INTS15: variants seen among roughly 807,000 people sequenced by gnomAD.
INTS15 encodes integrator complex subunit 15.
chr7:6,590,797 G>C, the INTS15 span, among the ~76,000 whole-genome samples: 18 of 152,046 alleles, frequency 1.2e-4, no homozygotes, highest in Admixed American at 7.9e-4. Context: ...ATAATGATCT[G>C]TATGGCTTTC....
chr7:6,590,134 G>A, the INTS15 span: 2 of 585,556 alleles, frequency 3.4e-6, no homozygotes, highest in East Asian at 7.6e-5. Context: ...CCCTGAGCAG[G>A]CAGGGAGCAG....
At chr7:6,608,491 A>G in the INTS15 span, 1 of 1,213,036 alleles carries the variant, frequency 8.2e-7, no homozygotes, top group Non-Finnish European at 1.0e-6. Flanking sequence ...CACGGGTGCA[A>G]GCCCGTGTGT....
At chr7:6,593,466 G>T in the INTS15 span, among the ~76,000 whole-genome samples, 2 of 151,626 alleles carry the variant, frequency 1.3e-5, no homozygotes, top group Admixed American at 1.3e-4. Flanking sequence ...GAGTAGCTGG[G>T]ACTACAGGCG....
the INTS15 span, chr7:6,602,214 C>T: frequency 6.8e-6 from 9 of 1,327,594 alleles, no homozygotes; most frequent in South Asian, 5.2e-5. Flanking sequence ...AGGGCGAGCC[C>T]CTTTGTCCTG....
chr7:6,596,555 T>C, the INTS15 span, among the ~76,000 whole-genome samples: 5 of 151,212 alleles, frequency 3.3e-5, no homozygotes, highest in East Asian at 9.7e-4. Context: ...CTTTTTGTAT[T>C]TTTAGTAGAG....
the INTS15 span, chr7:6,600,256 G>A: frequency 1.2e-6 from 2 of 1,614,058 alleles, no homozygotes; most frequent in Admixed American, 1.7e-5. Context: ...CGGATGAACT[G>A]AACCCCCTCA....
the INTS15 span, chr7:6,591,822 T>A: frequency 3.1e-6 from 5 of 1,614,042 alleles, no homozygotes; most frequent in Non-Finnish European, 4.2e-6. Context: ...TGGCGGTGGC[T>A]GTGTGTCGAA....
the INTS15 span, chr7:6,607,871 G>C: frequency 6.4e-7 from 1 of 1,555,192 alleles, no homozygotes. This position sits in a 1 kb window ranked among gnomAD's most constrained non-coding sequence, Gnocchi z 6.0. Context: ...TCTCCTGGGC[G>C]GGGTGCGGGG....
the INTS15 span, chr7:6,590,143 A>T: frequency 9.5e-6 from 6 of 629,612 alleles, no homozygotes; most frequent in Middle Eastern, 4.9e-4. Flanking sequence ...GGCAGGGAGC[A>T]GGCGGCGGCA....
At chr7:6,590,457 G>T in the INTS15 span, 1 of 1,592,272 alleles carries the variant, frequency 6.3e-7, no homozygotes, top group Non-Finnish European at 8.5e-7. Context: ...TGCCCAAGGA[G>T]CGCAGCGCGC....
chr7:6,599,833 C>G, the INTS15 span: 1 of 1,612,140 alleles, frequency 6.2e-7, no homozygotes, highest in Non-Finnish European at 8.5e-7. Flanking sequence ...TTGCAGATGA[C>G]CTCATTCCAC....
chr7:6,594,635 C>G, the INTS15 span: 4 of 1,602,208 alleles, frequency 2.5e-6, no homozygotes, highest in Middle Eastern at 1.7e-4. Context: ...ATGGAAGAAG[C>G]TTCAGTCAAT....
the INTS15 span, chr7:6,599,936 C>T: frequency 5.6e-6 from 9 of 1,614,248 alleles, no homozygotes; most frequent in South Asian, 1.1e-5. Flanking sequence ...TGCGGCCAAT[C>T]TGCCAATAGG....
the INTS15 span, among the ~76,000 whole-genome samples, chr7:6,603,245 G>A: frequency 1.6e-3 from 235 of 150,332 alleles, 1 homozygote; most frequent in African/African-American, 5.6e-3. Flanking sequence ...GTGAAACTCT[G>A]TCAAAAATAA....
At chr7:6,592,566 C>CA in the INTS15 span, among the ~76,000 whole-genome samples, 147 of 140,464 alleles carry the variant, frequency 1.0e-3, 1 homozygote, top group East Asian at 9.8e-3. Context: ...GACTCAGTCT[C>CA]AAAAAAAAAA....
At chr7:6,600,193 G>A in the INTS15 span, 2 of 1,614,220 alleles carry the variant, frequency 1.2e-6, no homozygotes, top group Non-Finnish European at 1.7e-6. Flanking sequence ...GGCGCCTGGG[G>A]CTGATCCTCT....
chr7:6,598,511 C>T, the INTS15 span, among the ~76,000 whole-genome samples: 16 of 150,994 alleles, frequency 1.1e-4, no homozygotes, highest in African/African-American at 3.6e-4. Context: ...AGCTGCTCCC[C>T]GCTGTAGCCA....
chr7:6,606,121 T>G, the INTS15 span, among the ~76,000 whole-genome samples: 24 of 152,226 alleles, frequency 1.6e-4, no homozygotes, highest in African/African-American at 5.5e-4. Context: ...TGACCGAAAT[T>G]TGGCCTCTGC....
At chr7:6,591,085 C>G in the INTS15 span, among the ~76,000 whole-genome samples, 2 of 151,756 alleles carry the variant, frequency 1.3e-5, no homozygotes, top group Non-Finnish European at 2.9e-5. Context: ...GATTCTCTCT[C>G]CTTGGCCTCC....
Sources: allele counts gnomAD v4.1 joint callset (sites outside exome capture counted in the v4.1 genomes callset), GRCh38; gene constraint gnomAD v4.1.1; non-coding constraint Gnocchi (gnomAD v3.1); transcripts MANE v1.5; gene names NCBI Gene and HGNC (gene_info 2026-07-23, HGNC 2026-07-21).